Variants in MFHAS1 observed in about 807,000 individuals in gnomAD.
The protein encoded by MFHAS1 is malignant fibrous histiocytoma-amplified sequence 1.
A neutral mutation model predicts 70.4 loss-of-function variants in MFHAS1; 50 were observed. The ratio of observed to expected loss-of-function variants is 0.71; its 90% CI spans 0.57 to 0.90. The LOEUF is 0.90. MFHAS1 is among the 40% of genes least tolerant of loss of function. The pLI is 0.00. For missense variants in MFHAS1, 1,795 were observed against 1,347.6 expected, an observed-to-expected ratio of 1.33 and a Z score of -5.20; for synonymous variants, 952 against 620.0, an observed-to-expected ratio of 1.54 and a Z score of -7.96.
intron 1 of MFHAS1, among the ~76,000 whole-genome samples, chr8:8,884,125 T>G (rs1367879842): frequency 2.0e-5 from 3 of 151,778 alleles, no homozygotes; most frequent in Admixed American, 1.3e-4. Context: ...TAGGAAATTC[T>G]AAACTACTTG....
intron 1 of MFHAS1, among the ~76,000 whole-genome samples, chr8:8,883,058 C>G (rs1206203132): frequency 1.3e-5 from 2 of 152,144 alleles, no homozygotes; most frequent in Non-Finnish European, 2.9e-5. Context: ...GAGGCTGGAG[C>G]AGGAGGATCA....
Position 8,885,616 on chromosome 8 carries a change from C to T in MFHAS1, c.2998+4445G>A, listed in dbSNP as rs576278859. The stretch of plus-strand genomic sequence containing the variant: ...CTCTAAGACAAGTATACAGGACCAA[C>T]CAATGAGAAGGAAAACAGCAAAAGG... On this transcript the variant is annotated intron_variant, in intron 1 of 2. Transcript: ENST00000276282. Among the ~76,000 whole-genome samples the T allele has an allele frequency of 1.1e-3, 163 of 152,260 alleles. 4 individuals are homozygous for T. The South Asian group carries it at 0.03, about 28-fold the overall frequency.
At chr8:8,812,382 G>A (rs976851989) in intron 1 of MFHAS1, among the ~76,000 whole-genome samples, 1 of 152,166 alleles carries the variant, frequency 6.6e-6, no homozygotes, top group African/African-American at 2.4e-5. Context: ...GGGTCCCAGG[G>A]TGGTGGGCAC....
intron 1 of MFHAS1, among the ~76,000 whole-genome samples, chr8:8,798,818 GC>G (rs1460282338): frequency 6.6e-6 from 1 of 152,124 alleles, no homozygotes; most frequent in Non-Finnish European, 1.5e-5. Flanking sequence ...GAAGGCTGAG[GC>G]AGGTGGATCA....
chr8:8,784,288 A>G lies in MFHAS1; in HGVS notation c.*1734T>C, dbSNP rs1468015775. The G allele has an allele frequency of 1.3e-5, 2 of 152,142 alleles. No individual in the cohort carries two copies. Among genetic ancestry groups the G allele is most frequent in the African/African-American group, 2.4e-5 (1 of 41,424 alleles). 9.4% of individuals were successfully genotyped at this position (152,142 alleles called of 1,614,324 possible). A position where few individuals can be genotyped will look rare whatever the true frequency, so the allele number is the denominator to read the frequency against. ...ACCATTCAGTTTTACACACATGCAC[A>G]CACACACACACGGAGACGCGCACAC... On this transcript the variant is annotated 3_prime_UTR_variant, in exon 3 of 3. Transcript: ENST00000276282.
intron 1 of MFHAS1, among the ~76,000 whole-genome samples, chr8:8,849,062 A>AC (rs1808141582): frequency 2.4e-5 from 2 of 84,604 alleles, no homozygotes; most frequent in Non-Finnish European, 2.5e-5. Context: ...ATTCCTTTTT[A>AC]CCTTTTTTTT....
At chr8:8,826,570 T>TA (rs1423297755) in intron 1 of MFHAS1, among the ~76,000 whole-genome samples, 1 of 152,048 alleles carries the variant, frequency 6.6e-6, no homozygotes, top group African/African-American at 2.4e-5. Context: ...TCATCTCTAC[T>TA]AAAAATACAA....
intron 1 of MFHAS1, among the ~76,000 whole-genome samples, chr8:8,878,675 A>C (rs1233143925): frequency 6.6e-6 from 1 of 151,982 alleles, no homozygotes; most frequent in African/African-American, 2.4e-5. Flanking sequence ...AAAAAAGAAA[A>C]AAAAAAAGGA....
At chr8:8,855,412 C>A (rs557911285) in intron 1 of MFHAS1, among the ~76,000 whole-genome samples, 3 of 152,236 alleles carry the variant, frequency 2.0e-5, no homozygotes, top group Admixed American at 6.5e-5. Flanking sequence ...GCTTTCCAAG[C>A]GCTTTCAAGA....
chr8:8,860,856 A>C (rs1808633646), intron 1 of MFHAS1, among the ~76,000 whole-genome samples: 1 of 152,254 alleles, frequency 6.6e-6, no homozygotes, highest in African/African-American at 2.4e-5. Flanking sequence ...TCTCGTTTCC[A>C]TTTCTTCTGG....
intron 1 of MFHAS1, among the ~76,000 whole-genome samples, chr8:8,840,564 C>T (rs974012249): frequency 4.6e-5 from 7 of 152,086 alleles, no homozygotes; most frequent in African/African-American, 7.2e-5. Context: ...TTCATGGACC[C>T]GACCCGGTAA....
intron 1 of MFHAS1, among the ~76,000 whole-genome samples, chr8:8,820,303 G>A (rs1806905316): frequency 6.6e-6 from 1 of 151,730 alleles, no homozygotes; most frequent in South Asian, 2.1e-4. Flanking sequence ...AAGTCCCCAG[G>A]ATTAGACTGC....
intron 1 of MFHAS1, among the ~76,000 whole-genome samples, chr8:8,809,218 CAT>C (rs1806453387): frequency 6.6e-6 from 1 of 152,164 alleles, no homozygotes; most frequent in South Asian, 2.1e-4. Flanking sequence ...ATAATTATCT[CAT>C]TATCTATTAC....
intron 1 of MFHAS1, among the ~76,000 whole-genome samples, chr8:8,809,418 G>C (rs908847808): frequency 6.6e-6 from 1 of 152,016 alleles, no homozygotes; most frequent in East Asian, 1.9e-4. Flanking sequence ...CGACATGTAA[G>C]TATGTCCTTA....
At chr8:8,791,129 T>G (rs1387434102) in intron 2 of MFHAS1, among the ~76,000 whole-genome samples, 4 of 78,170 alleles carry the variant, frequency 5.1e-5, no homozygotes, top group Admixed American at 2.0e-4. Context: ...CCACCCGTTT[T>G]TTTTTTTTTT....
chr8:8,860,635 C>T (rs1808626686), intron 1 of MFHAS1, among the ~76,000 whole-genome samples: 1 of 152,194 alleles, frequency 6.6e-6, no homozygotes, highest in Non-Finnish European at 1.5e-5. Flanking sequence ...GTGACAGCCG[C>T]TTTCCCAAAT....
At chr8:8,794,945 G>T (rs111721564) in intron 2 of MFHAS1, among the ~76,000 whole-genome samples, 1 of 152,130 alleles carries the variant, frequency 6.6e-6, no homozygotes, top group Non-Finnish European at 1.5e-5. Flanking sequence ...GTCTTTCTGC[G>T]GCAGTACAAG....
intron 1 of MFHAS1, among the ~76,000 whole-genome samples, chr8:8,836,319 T>G (rs1807592394): frequency 6.6e-6 from 1 of 152,228 alleles, no homozygotes; most frequent in South Asian, 2.1e-4. Context: ...CTGTGAGTTG[T>G]AATTATCAAT....
intron 1 of MFHAS1, among the ~76,000 whole-genome samples, chr8:8,880,671 C>T (rs1809482300): frequency 6.8e-6 from 1 of 147,900 alleles, no homozygotes; most frequent in African/African-American, 2.5e-5. Context: ...GGCAGGACAT[C>T]CCTTCCTTTT....
Sources: gnomAD v4.1 joint callset for allele counts (sites outside exome capture counted in the v4.1 genomes callset) on GRCh38, gnomAD v4.1.1 for gene constraint, MANE v1.5 for transcripts, NCBI Gene and HGNC (gene_info 2026-07-23, HGNC 2026-07-21) for gene names.